Variants in RIMKLB observed in about 807,000 individuals in gnomAD.
RIMKLB encodes ribosomal modification protein rimK like family member B.
Under a neutral mutation model 32.0 loss-of-function variants are expected in RIMKLB, and 7 were observed. That is an observed-to-expected ratio of 0.22 (90% CI 0.12 to 0.41). The LOEUF is 0.41. Ranked by LOEUF, RIMKLB falls within the 10% of genes least tolerant of loss-of-function variation. The probability of loss-of-function intolerance (pLI) is 1.00; values close to 1 mark genes in which losing one functional copy is unlikely to be tolerated. For synonymous variants in RIMKLB, 172 were observed against 185.1 expected, an observed-to-expected ratio of 0.93 and a Z score of 0.57; for missense variants, 289 against 498.7, an observed-to-expected ratio of 0.58 and a Z score of 4.00.
intron 1 of RIMKLB, among the ~76,000 whole-genome samples, chr12:8,701,579 G>T (rs1943403726): frequency 6.9e-6 from 1 of 144,940 alleles, no homozygotes; most frequent in Admixed American, 6.9e-5. Flanking sequence ...TTCTAACTTT[G>T]TTAACAAAGC....
At chr12:8,730,299 C>G (rs1946417471) in intron 2 of RIMKLB, among the ~76,000 whole-genome samples, 1 of 152,174 alleles carries the variant, frequency 6.6e-6, no homozygotes, top group South Asian at 2.1e-4. Flanking sequence ...CTGTCTTGCC[C>G]AAGCTGGTTT....
At chr12:8,668,882 A>G in the RIMKLB span, 1 of 152,164 alleles carries the variant, frequency 6.6e-6, no homozygotes, top group African/African-American at 2.4e-5. Context: ...ACGTTGGGAA[A>G]ATAAATGTTT....
In RIMKLB at chr12:8,776,264, C is replaced by T. The variant is rs143440633; in HGVS notation, c.*2480C>T. On this transcript the variant is annotated 3_prime_UTR_variant, in exon 6 of 6. Coordinates refer to ENST00000535829, the MANE Select transcript of RIMKLB (RefSeq NM_001297776.2). Reference sequence around the variant, plus strand: ...ATTATGCATTCACATGATATTAAAACGTACACTCACATGTTAGAATGAAAA... The same window carrying T: ...ATTATGCATTCACATGATATTAAAATGTACACTCACATGTTAGAATGAAAA... 1.6e-5 allele frequency: 16 copies of T among 976,968 alleles called. No homozygotes were observed. Among genetic ancestry groups the T allele is most frequent in the Middle Eastern group, 5.3e-4 (1 of 1,892 alleles). 60.5% of individuals were successfully genotyped at this position (976,968 alleles called of 1,614,324 possible).
At chr12:8,686,460 CTT>C (rs113131504) in intron 1 of RIMKLB, among the ~76,000 whole-genome samples, 288 of 143,234 alleles carry the variant, frequency 2.0e-3, no homozygotes, top group African/African-American at 6.6e-3. Flanking sequence ...TTTTTCTTTT[CTT>C]TTTTTTTTTT....
At chr12:8,781,305 G>T (rs1165906156), downstream of RIMKLB, among the ~76,000 whole-genome samples, 1 of 152,188 alleles carries the variant, frequency 6.6e-6, no homozygotes, top group South Asian at 2.1e-4. Flanking sequence ...TCAAGTCACT[G>T]CACTCCAGCC....
At chr12:8,752,307 CT>C (rs113882844) in intron 4 of RIMKLB, among the ~76,000 whole-genome samples, 7 of 152,316 alleles carry the variant, frequency 4.6e-5, no homozygotes, top group Middle Eastern at 3.4e-3. Context: ...AATCCCAGCA[CT>C]TTGGGAGGCT....
chr12:8,734,864 C>A (rs115472087), intron 2 of RIMKLB, among the ~76,000 whole-genome samples: 1,647 of 152,236 alleles, frequency 0.011, 25 homozygotes, highest in African/African-American at 0.038. Flanking sequence ...AAGAGGCAAA[C>A]TGAATTCTAT....
rs760984431 is a variant in RIMKLB at position 8,752,484 on chromosome 12, G to A, written c.493+441G>A. On this transcript the variant is annotated intron_variant, in intron 4 of 5. Coordinates refer to ENST00000535829, the MANE Select transcript of RIMKLB (RefSeq NM_001297776.2). Reference sequence around the variant, plus strand: ...AGAGAATTGCTTGAACCCGGGAGGCGGAGGTTGCAGTGAGCCGAGATCACA... The same window carrying A: ...AGAGAATTGCTTGAACCCGGGAGGCAGAGGTTGCAGTGAGCCGAGATCACA... Among the ~76,000 whole-genome samples the A allele has an allele frequency of 2.1e-4, 31 of 150,954 alleles. No individual in the cohort carries two copies. The South Asian group carries it at 3.6e-3, about 17-fold the overall frequency.
At chr12:8,705,004 C>CACACA (rs1337408536) in intron 1 of RIMKLB, among the ~76,000 whole-genome samples, 1 of 144,576 alleles carries the variant, frequency 6.9e-6, no homozygotes, top group African/African-American at 2.8e-5. Context: ...ACACACAAAA[C>CACACA]CCCAAACTAA....
chr12:8,746,935 G>A (rs1055642911), intron 2 of RIMKLB, among the ~76,000 whole-genome samples: 1 of 152,030 alleles, frequency 6.6e-6, no homozygotes, highest in Non-Finnish European at 1.5e-5. Flanking sequence ...TAGAGACGTG[G>A]ATCTCATGTT....
chr12:8,686,457 T>G (rs1320019032), intron 1 of RIMKLB, among the ~76,000 whole-genome samples: 1 of 142,244 alleles, frequency 7.0e-6, no homozygotes, highest in Non-Finnish European at 1.6e-5. Flanking sequence ...TCTTTTTTCT[T>G]TTCTTTTTTT....
Position 8,719,580 on chromosome 12 carries a change from G to C in RIMKLB, c.175+5539G>C, listed in dbSNP as rs1284454991. Among the ~76,000 whole-genome samples, 4 of 152,088 alleles carry C rather than the reference G, an allele frequency of 2.6e-5. No homozygotes were observed. In the East Asian group the frequency reaches 7.7e-4, roughly 29 times the overall value. On this transcript the variant is annotated intron_variant, in intron 2 of 5. Coordinates refer to ENST00000535829, the MANE Select transcript of RIMKLB (RefSeq NM_001297776.2). ...GACGGGGTTTCACCATGTTGGCCAG[G>C]CTGGACTCGAACTCCTGACCTCCGG... is the stretch of plus-strand genomic sequence containing the variant.
At chr12:8,745,303 C>T (rs1447469643) in intron 2 of RIMKLB, among the ~76,000 whole-genome samples, 1 of 151,578 alleles carries the variant, frequency 6.6e-6, no homozygotes, top group East Asian at 1.9e-4. Context: ...CTTTCTTCTC[C>T]TGGCTCTTAT....
In RIMKLB at chr12:8,753,930, T is replaced by G. The variant is rs1225029977; in HGVS notation, c.534T>G (p.Ala178=). ...TGGCTCGAGATAAGCACCATTTGGCTGATCTAAGCCATCTTATTCGCCATG... is the reference window on the plus strand; with the variant it reads ...TGGCTCGAGATAAGCACCATTTGGCGGATCTAAGCCATCTTATTCGCCATG... The part of the protein sequence containing the change: ...VFLARDKHHL[A]DLSHLIRHEA... Residue 178 remains alanine (A), a synonymous_variant, in exon 5 of 6, where the codon GCT becomes GCG. Transcript: ENST00000535829. 4 of 1,613,986 alleles carry G rather than the reference T, an allele frequency of 2.5e-6. No individual in the cohort carries two copies. In the South Asian group the frequency reaches 4.4e-5, roughly 18 times the overall value.
Position 8,773,540 on chromosome 12 carries a change from T to A in RIMKLB, c.917T>A (p.Leu306His). 1.2e-6 allele frequency: 2 copies of A among 1,614,268 alleles called. No homozygotes were observed. Among genetic ancestry groups the A allele is most frequent in the Non-Finnish European group, 1.7e-6 (2 of 1,180,046 alleles). The change falls in exon 6 of 6, where the codon CTT (leucine) becomes CAT (histidine). Residue 306 changes from leucine to histidine, a missense_variant. Around this residue, in one of 3 missense-constraint regions of RIMKLB, gnomAD observed 99 missense variants for 133.9 expected, o/e 0.74. Coordinates refer to ENST00000535829, the MANE Select transcript of RIMKLB (RefSeq NM_001297776.2). ...ATCATAGCAGACTATGCCGCCTCCC[T>A]TCTACCCTCTGGCCGGCTCACCCGG... ...AGIIADYAAS[L>H]LPSGRLTRRM...
At chr12:8,732,086 C>G (rs755443024) in intron 2 of RIMKLB, among the ~76,000 whole-genome samples, 10 of 151,822 alleles carry the variant, frequency 6.6e-5, no homozygotes, top group Non-Finnish European at 1.3e-4. Context: ...GTCCCTTGGC[C>G]TAGAACTAGA....
At chr12:8,772,598 G>A (rs140581975) in intron 5 of RIMKLB, among the ~76,000 whole-genome samples, 2 of 152,300 alleles carry the variant, frequency 1.3e-5, no homozygotes, top group East Asian at 3.9e-4. Flanking sequence ...GTGGTAGGGA[G>A]GATCCACCTC....
At chr12:8,677,800 T>A (rs1025886956), upstream of RIMKLB, among the ~76,000 whole-genome samples, 4 of 151,590 alleles carry the variant, frequency 2.6e-5, no homozygotes, top group South Asian at 4.2e-4. Flanking sequence ...TTACCCAAGC[T>A]GGAGTGCAGT....
chr12:8,735,040 A>T (rs1458407106), intron 2 of RIMKLB, among the ~76,000 whole-genome samples: 1 of 152,146 alleles, frequency 6.6e-6, no homozygotes, highest in Non-Finnish European at 1.5e-5. Context: ...CATCTTCTGG[A>T]TTATATTTCT....
Sources: gnomAD v4.1 joint callset for allele counts (sites outside exome capture counted in the v4.1 genomes callset) on GRCh38, gnomAD v4.1.1 for gene constraint, gnomAD v4.1.1 regional missense constraint, MANE v1.5 for transcripts, NCBI Gene and HGNC (gene_info 2026-07-23, HGNC 2026-07-21) for gene names.